DNM3: variants seen among roughly 807,000 people sequenced by gnomAD.
DNM3 encodes dynamin-3.
A neutral mutation model predicts 101.6 loss-of-function variants in DNM3; 47 were observed. The observed-to-expected ratio is 0.46, with a 90% CI of 0.37 to 0.59. DNM3 has a LOEUF of 0.59. Ranked by LOEUF, DNM3 falls within the 20% of genes least tolerant of loss-of-function variation. The pLI is 0.00. For missense variants in DNM3, 849 were observed against 1,085.7 expected, an observed-to-expected ratio of 0.78 and a Z score of 3.06; for synonymous variants, 385 against 387.9, an observed-to-expected ratio of 0.99 and a Z score of 0.09.
chr1:172,123,411 C>T (rs192177602), intron 13 of DNM3, among the ~76,000 whole-genome samples: 352 of 152,246 alleles, frequency 2.3e-3, no homozygotes, highest in African/African-American at 8.2e-3. Context: ...TTTGTGGTGG[C>T]CCTCACTTGT....
chr1:171,855,173 C>G (rs1286869307), intron 1 of DNM3, among the ~76,000 whole-genome samples: 4 of 152,144 alleles, frequency 2.6e-5, no homozygotes, highest in Non-Finnish European at 4.4e-5. Context: ...ACTTAATGGT[C>G]TCCAGCTCCG....
At chr1:172,024,452 T>C (rs2048055467) in intron 4 of DNM3, among the ~76,000 whole-genome samples, 1 of 152,204 alleles carries the variant, frequency 6.6e-6, no homozygotes, top group Non-Finnish European at 1.5e-5. Flanking sequence ...CCAAATGTGG[T>C]TTATGCAATT....
intron 17 of DNM3, among the ~76,000 whole-genome samples, chr1:172,354,421 CA>C (rs2067349761): frequency 6.6e-6 from 1 of 151,462 alleles, no homozygotes; most frequent in South Asian, 2.1e-4. Flanking sequence ...CTGCAAATAG[CA>C]CCAACTTCCC....
intron 17 of DNM3, among the ~76,000 whole-genome samples, chr1:172,331,680 A>G (rs978476250): frequency 2.6e-5 from 4 of 152,234 alleles, no homozygotes; most frequent in Admixed American, 1.3e-4. Context: ...ATTAAGGCTG[A>G]TGGCAGTAAA....
At chr1:171,890,018 T>C (rs1246441938) in intron 1 of DNM3, among the ~76,000 whole-genome samples, 4 of 152,160 alleles carry the variant, frequency 2.6e-5, no homozygotes, top group Non-Finnish European at 5.9e-5. Context: ...TTTACAGATT[T>C]GTAGTGATAT....
chr1:172,294,557 C>T (rs1303033432), intron 15 of DNM3, among the ~76,000 whole-genome samples: 1 of 152,156 alleles, frequency 6.6e-6, no homozygotes, highest in Non-Finnish European at 1.5e-5. Flanking sequence ...TGTGAAACAG[C>T]TTTACTACCA....
intron 13 of DNM3, among the ~76,000 whole-genome samples, chr1:172,097,045 A>G (rs561811566): frequency 6.6e-6 from 1 of 152,244 alleles, no homozygotes; most frequent in Admixed American, 6.5e-5. Flanking sequence ...GGCTAAGGGC[A>G]TGCACTGACA....
At chr1:172,020,269 A>G (rs1467511475) in intron 4 of DNM3, among the ~76,000 whole-genome samples, 1 of 152,118 alleles carries the variant, frequency 6.6e-6, no homozygotes, top group Non-Finnish European at 1.5e-5. Flanking sequence ...CCGGATGGCT[A>G]CAGTGGACTA....
chr1:172,195,986 A>C (rs1322834995), intron 14 of DNM3, among the ~76,000 whole-genome samples: 1 of 151,644 alleles, frequency 6.6e-6, no homozygotes, highest in Non-Finnish European at 1.5e-5. Flanking sequence ...GGGTTTGTTT[A>C]CATATTATTT....
At chr1:172,223,188 T>A (rs2060973614) in intron 14 of DNM3, among the ~76,000 whole-genome samples, 1 of 151,908 alleles carries the variant, frequency 6.6e-6, no homozygotes, top group Non-Finnish European at 1.5e-5. Flanking sequence ...CCTGTCTAAC[T>A]GTAACTTTGT....
chr1:172,166,510 A>T (rs1177038818), intron 14 of DNM3, among the ~76,000 whole-genome samples: 1 of 152,068 alleles, frequency 6.6e-6, no homozygotes, highest in Admixed American at 6.6e-5. Context: ...TGCACTGCCA[A>T]TTTGATTATC....
At chr1:172,047,677 G>A (rs544079799) in intron 9 of DNM3, among the ~76,000 whole-genome samples, 21 of 152,274 alleles carry the variant, frequency 1.4e-4, no homozygotes, top group Admixed American at 1.2e-3. Context: ...AAATAGAGGT[G>A]AGCATGGGGT....
At chr1:172,311,864 G>A (rs986188312) in intron 16 of DNM3, among the ~76,000 whole-genome samples, 1 of 152,100 alleles carries the variant, frequency 6.6e-6, no homozygotes, top group African/African-American at 2.4e-5. Context: ...CAAGACAAAC[G>A]AATTTTTAGT....
chr1:171,961,344 A>C (rs370595321), intron 2 of DNM3, among the ~76,000 whole-genome samples: 1 of 152,276 alleles, frequency 6.6e-6, no homozygotes, highest in African/African-American at 2.4e-5. Context: ...TCAGCTAGAA[A>C]CATACTTTTA....
At chr1:172,209,117 A>G (rs188592677) in intron 14 of DNM3, among the ~76,000 whole-genome samples, 5 of 152,164 alleles carry the variant, frequency 3.3e-5, no homozygotes, top group Admixed American at 3.3e-4. Flanking sequence ...TTAAGTTAAA[A>G]TGAGGTAATC....
Position 172,388,775 on chromosome 1 carries a change from T to C in DNM3, c.2488T>C (p.Ser830Pro). Reference sequence around the variant, plus strand: ...CTTCGGAGCCCCTCCACAAGTTCCATCTAGGCCTACGAGGGCCCCGCCCAG... The same window carrying C: ...CTTCGGAGCCCCTCCACAAGTTCCACCTAGGCCTACGAGGGCCCCGCCCAG... ...DSFGAPPQVP[S>P]RPTRAPPSVP... Residue 830 changes from serine (S) to proline (P), a missense_variant, in exon 20 of 21, where the codon TCT becomes CCT. By Grantham distance (74) the Ser-to-Pro change is moderately conservative (BLOSUM62 -1). Around this residue, in one of 5 missense-constraint regions of DNM3, gnomAD observed 256 missense variants for 311.7 expected, o/e 0.82. Transcript: ENST00000627582. 6.2e-7 allele frequency: 1 copy of C among 1,603,770 alleles called. No homozygotes were observed. Among genetic ancestry groups the C allele is most frequent in the Non-Finnish European group, 8.5e-7 (1 of 1,175,220 alleles).
At chr1:172,407,358 C>A (rs1438046113) in intron 20 of DNM3, among the ~76,000 whole-genome samples, 3 of 151,772 alleles carry the variant, frequency 2.0e-5, no homozygotes, top group Non-Finnish European at 4.4e-5. Context: ...TAATAATATC[C>A]TGAAAGAAAA....
intron 2 of DNM3, among the ~76,000 whole-genome samples, chr1:171,950,339 C>T (rs1350628579): frequency 6.6e-6 from 1 of 152,036 alleles, no homozygotes; most frequent in Non-Finnish European, 1.5e-5. Flanking sequence ...AAATTTTTAT[C>T]TTTTCTGGTC....
At chr1:171,989,861 T>A (rs2045520412) in intron 4 of DNM3, among the ~76,000 whole-genome samples, 1 of 152,144 alleles carries the variant, frequency 6.6e-6, no homozygotes, top group Non-Finnish European at 1.5e-5. Flanking sequence ...GAATTTTTCT[T>A]TTTTGATAAT....
Sources: allele counts gnomAD v4.1 joint callset (sites outside exome capture counted in the v4.1 genomes callset), GRCh38; gene constraint gnomAD v4.1.1; regional missense constraint gnomAD v4.1.1; transcripts MANE v1.5; gene names NCBI Gene and HGNC (gene_info 2026-07-23, HGNC 2026-07-21).